SPATA31C1: variants seen among roughly 807,000 people sequenced by gnomAD.
The protein encoded by SPATA31C1 is spermatogenesis-associated protein 31C1.
At chr9:87,918,768 G>C in intron 2 of SPATA31C1, 1 of 239,914 alleles carries the variant, frequency 4.2e-6, no homozygotes, top group Non-Finnish European at 7.7e-6. Flanking sequence ...CCCTGTGTGT[G>C]TGCGTGTGTG....
chr9:87,919,447 C>G lies in SPATA31C1; in HGVS notation n.580+99C>G, dbSNP rs1249885936. 5.2e-6 allele frequency: 8 copies of G among 1,525,678 alleles called. No individual in the cohort carries two copies. The East Asian group carries it at 1.8e-4, about 34-fold the overall frequency. 94.5% of individuals were successfully genotyped at this position (1,525,678 alleles called of 1,614,324 possible). On this transcript the variant is annotated intron_variant and non_coding_transcript_variant, in intron 3 of 4. Coordinates refer to ENST00000420021, the Ensembl canonical transcript of SPATA31C1. ...CAGTTGAAAAAACCTGAGGTGGGGG[C>G]TCCTAGGAAGGAAATCAGAACCCTG...
At chr9:87,921,407 C>CA in exon 5 of SPATA31C1, 5 of 1,611,786 alleles carry the variant, frequency 3.1e-6, no homozygotes, top group Non-Finnish European at 4.2e-6. Flanking sequence ...CCTCCACGTC[C>CA]ACAGGTGAAA....
chr9:87,920,796 G>C (rs367670301), exon 5 of SPATA31C1: 8 of 1,613,918 alleles, frequency 5.0e-6, no homozygotes, highest in Non-Finnish European at 6.8e-6. Flanking sequence ...CTGGTCGCAG[G>C]AGACTACCAA....
Position 87,919,339 on chromosome 9 carries a change from A to T in SPATA31C1, n.571A>T, listed in dbSNP as rs774630464. 5.0e-6 allele frequency: 8 copies of T among 1,602,016 alleles called. 1 individual carries two copies. The East Asian group carries it at 7.1e-5, about 14-fold the overall frequency. On this transcript the variant is annotated non_coding_transcript_exon_variant, in exon 3 of 5. Coordinates refer to ENST00000420021, the Ensembl canonical transcript of SPATA31C1. Reference sequence around the variant, plus strand: ...GCCCAGAGGCAGGATGAAAAACCACAGTCTGAGAGGTAAGGCTCTGCCAGG... The same window carrying T: ...GCCCAGAGGCAGGATGAAAAACCACTGTCTGAGAGGTAAGGCTCTGCCAGG...
chr9:87,915,407 A>T lies in SPATA31C1; in HGVS notation n.189+697A>T, dbSNP rs569994357. On this transcript the variant is annotated intron_variant and non_coding_transcript_variant, in intron 1 of 4. Transcript: ENST00000420021. ...CACCTTTGCTTCCAGAGTTCAAGCTATTCTCCTGTCTTAGCGTACTGAGTA... is the reference window on the plus strand; with the variant it reads ...CACCTTTGCTTCCAGAGTTCAAGCTTTTCTCCTGTCTTAGCGTACTGAGTA... Among the ~76,000 whole-genome samples the T allele has an allele frequency of 5.1e-3, 736 of 144,180 alleles. 29 individuals carry two copies. The highest frequency in any genetic ancestry group is 0.017 in the African/African-American group (662 of 39,272). 94.6% of individuals were successfully genotyped at this position (144,180 alleles called of 152,430 possible). A position where few individuals can be genotyped will look rare whatever the true frequency, so the allele number is the denominator to read the frequency against.
At position 87,920,594 on chromosome 9, in the gene SPATA31C1, T is replaced by C. The variant is rs751763579; in HGVS notation, n.984T>C. The C allele has an allele frequency of 7.4e-6, 12 of 1,613,682 alleles. No individual in the cohort carries two copies. In the South Asian group the frequency reaches 1.3e-4, roughly 18 times the overall value. ...ACACCCCTGATCCTCTGGCCTGCTCTCCACCTCCTCCGAAAGGCTTCACTC... is the reference window on the plus strand; with the variant it reads ...ACACCCCTGATCCTCTGGCCTGCTCCCCACCTCCTCCGAAAGGCTTCACTC... On this transcript the variant is annotated non_coding_transcript_exon_variant, in exon 5 of 5. Coordinates refer to ENST00000420021, the Ensembl canonical transcript of SPATA31C1.
At chr9:87,915,422 C>G (rs1174132941) in intron 1 of SPATA31C1, among the ~76,000 whole-genome samples, 7 of 144,292 alleles carry the variant, frequency 4.9e-5, no homozygotes, top group South Asian at 2.3e-4. Context: ...CCTGTCTTAG[C>G]GTACTGAGTA....
intron 2 of SPATA31C1, chr9:87,918,892 G>T (rs573830430): frequency 3.4e-5 from 12 of 350,014 alleles, no homozygotes; most frequent in South Asian, 2.4e-4. Flanking sequence ...CTGTCTTAGC[G>T]TCCTGAGTAG....
exon 5 of SPATA31C1, chr9:87,921,067 C>T (rs527869102): frequency 6.4e-5 from 103 of 1,611,438 alleles, no homozygotes; most frequent in Admixed American, 5.7e-4. Flanking sequence ...GCTTGCCCTG[C>T]GTCGCAGAAT....
intron 2 of SPATA31C1, chr9:87,918,882 C>T (rs111335890): frequency 2.0e-4 from 67 of 338,574 alleles, no homozygotes; most frequent in East Asian, 1.1e-3. Context: ...AGCTATTCTC[C>T]TGTCTTAGCG....
rs560885285 is a variant in SPATA31C1 at position 87,919,197 on chromosome 9, C to A, written n.523-94C>A. On this transcript the variant is annotated intron_variant and non_coding_transcript_variant, in intron 2 of 4. Transcript: ENST00000420021. ...TGCGGTTCATGAGTGCAGCGTGCTG[C>A]GGCTGGGGGCAGAGAGGGAGAGCCG... 5 of 1,592,756 alleles carry A rather than the reference C, an allele frequency of 3.1e-6. No individual in the cohort carries two copies. The South Asian group carries it at 3.3e-5, about 11-fold the overall frequency.
Position 87,922,261 on chromosome 9 carries a change from G to A in SPATA31C1, n.2651G>A, listed in dbSNP as rs534739104. ...AAGCCCCTCACATACAGCCTCAAAG[G>A]CAGCACCCAGCAGAGCAGGAGCTTA... On this transcript the variant is annotated non_coding_transcript_exon_variant, in exon 5 of 5. Transcript: ENST00000420021. The A allele has an allele frequency of 1.1e-5, 17 of 1,612,810 alleles. No individual in the cohort carries two copies. In the East Asian group the frequency reaches 1.6e-4, roughly 15 times the overall value.
chr9:87,922,894 A>G, exon 5 of SPATA31C1: 6 of 1,605,488 alleles, frequency 3.7e-6, no homozygotes, highest in Non-Finnish European at 4.3e-6. Context: ...GACACCCGTC[A>G]GAATGAAGGC....
At position 87,920,368 on chromosome 9, in the gene SPATA31C1, T is replaced by G. The variant is rs749552878; in HGVS notation, n.758T>G. ...GCCTCCCGGTCCTCTCATGAGCCTA[T>G]GGAAGATGCTGCTCCCATTGTCTCC... On this transcript the variant is annotated non_coding_transcript_exon_variant, in exon 5 of 5. Coordinates refer to ENST00000420021, the Ensembl canonical transcript of SPATA31C1. The G allele has an allele frequency of 1.2e-5, 19 of 1,544,558 alleles. No homozygotes were observed. The East Asian group carries it at 4.6e-4, about 37-fold the overall frequency.
chr9:87,920,602 C>T (rs778543514), exon 5 of SPATA31C1: 14 of 1,613,692 alleles, frequency 8.7e-6, no homozygotes, highest in Non-Finnish European at 1.2e-5. Flanking sequence ...TCTCCACCTC[C>T]TCCGAAAGGC....
At chr9:87,921,626 A>G in exon 5 of SPATA31C1, 10 of 1,612,068 alleles carry the variant, frequency 6.2e-6, no homozygotes, top group South Asian at 1.1e-5. Flanking sequence ...TAAGACGCAC[A>G]GAGAGGAATC....
exon 5 of SPATA31C1, chr9:87,921,399 T>G: frequency 6.2e-7 from 1 of 1,611,742 alleles, no homozygotes. Context: ...CTGGCAGTCC[T>G]CCACGTCCAC....
chr9:87,920,866 C>T lies in SPATA31C1; in HGVS notation n.1256C>T, dbSNP rs766978603. 76 of 1,613,418 alleles carry T rather than the reference C, an allele frequency of 4.7e-5. 1 individual carries two copies. In the South Asian group the frequency reaches 5.5e-4, roughly 12 times the overall value. On this transcript the variant is annotated non_coding_transcript_exon_variant, in exon 5 of 5. Coordinates refer to ENST00000420021, the Ensembl canonical transcript of SPATA31C1. ...GATCATCTTTCCCGCCAAAGGGACACCACAATGTCCCCACTGCTTTTCCAG... is the reference window on the plus strand; with the variant it reads ...GATCATCTTTCCCGCCAAAGGGACATCACAATGTCCCCACTGCTTTTCCAG...
exon 5 of SPATA31C1, chr9:87,920,847 C>A (rs1191608957): frequency 6.2e-7 from 1 of 1,613,692 alleles, no homozygotes; most frequent in Non-Finnish European, 8.5e-7. Flanking sequence ...GCAAGATCAT[C>A]TTTCCCGCCA....
Sources: gnomAD v4.1 joint callset for allele counts (sites outside exome capture counted in the v4.1 genomes callset) on GRCh38, gnomAD v4.1.1 for gene constraint, MANE v1.5 for transcripts, NCBI Gene and HGNC (gene_info 2026-07-23, HGNC 2026-07-21) for gene names.